DPYSL2: variants seen among roughly 807,000 people sequenced by gnomAD.
DPYSL2 encodes dihydropyrimidinase-related protein 2.
DPYSL2 carries 13 observed loss-of-function variants against 69.9 expected under a neutral mutation model. The ratio of observed to expected loss-of-function variants is 0.19; its 90% CI spans 0.12 to 0.30. DPYSL2 has a LOEUF of 0.30. Among genes scored for constraint, DPYSL2 ranks in the 10% least tolerant of loss-of-function variants. The pLI is 1.00. For synonymous variants in DPYSL2, 326 were observed against 359.1 expected, an observed-to-expected ratio of 0.91 and a Z score of 1.04; for missense variants, 587 against 918.9, an observed-to-expected ratio of 0.64 and a Z score of 4.67.
intron 1 of DPYSL2, among the ~76,000 whole-genome samples, chr8:26,528,920 G>C (rs990313398): frequency 1.3e-5 from 2 of 152,148 alleles, no homozygotes; most frequent in African/African-American, 4.8e-5. Flanking sequence ...TAAATGTCTG[G>C]TTCCTGACCC....
rs1214866914 is a variant in DPYSL2 at position 26,655,783 on chromosome 8, CTTTT to C, written c.*87_*90del. On this transcript the variant is annotated 3_prime_UTR_variant, in exon 14 of 14. Transcript: ENST00000521913. ...CATTCTGAGACTTCTTTCTTCCTTCCTTTTTTTTTTTTTGTTTTTTTTTTTAAGA... is the reference window on the plus strand; with the variant it reads ...CATTCTGAGACTTCTTTCTTCCTTCCTTTTTTTTTGTTTTTTTTTTTAAGA... The C allele has an allele frequency of 6.7e-6, 6 of 891,818 alleles. No individual in the cohort carries two copies. Among genetic ancestry groups the C allele is most frequent in the Non-Finnish European group, 7.7e-6 (5 of 653,406 alleles). 55.2% of individuals were successfully genotyped at this position (891,818 alleles called of 1,614,324 possible).
chr8:26,519,057 A>G (rs1322787997), intron 1 of DPYSL2, among the ~76,000 whole-genome samples: 3 of 152,166 alleles, frequency 2.0e-5, no homozygotes, highest in Non-Finnish European at 4.4e-5. Flanking sequence ...GCCAGTGACA[A>G]CTTCTGGCCA....
intron 11 of DPYSL2, among the ~76,000 whole-genome samples, chr8:26,649,202 C>T (rs979879824): frequency 2.6e-5 from 4 of 152,194 alleles, no homozygotes; most frequent in South Asian, 2.1e-4. Context: ...TGTTACATAG[C>T]GATTTTGCGG....
intron 1 of DPYSL2, among the ~76,000 whole-genome samples, chr8:26,543,083 G>T (rs1196796332): frequency 6.6e-6 from 1 of 152,136 alleles, no homozygotes; most frequent in Non-Finnish European, 1.5e-5. Context: ...TCTAGATAAA[G>T]GTATTGGCAG....
Position 26,614,513 on chromosome 8 carries a change from C to T in DPYSL2, c.629-9630C>T, listed in dbSNP as rs996955953. Among the ~76,000 whole-genome samples, 1 of 152,122 alleles carries T rather than the reference C, an allele frequency of 6.6e-6. No individual in the cohort carries two copies. Among genetic ancestry groups the T allele is most frequent in the Non-Finnish European group, 1.5e-5 (1 of 68,024 alleles). On this transcript the variant is annotated intron_variant, in intron 3 of 13. Transcript: ENST00000521913. The surrounding 1 kb of genome is among the most constrained non-coding windows in gnomAD (Gnocchi z 4.9). ...AACTGGATTGTTGGCATTTTAAGGG[C>T]ACAGTTTGTATCTTCTACCTCTTTG...
intron 1 of DPYSL2, among the ~76,000 whole-genome samples, chr8:26,555,469 A>C (rs1272383105): frequency 6.6e-6 from 1 of 152,200 alleles, no homozygotes; most frequent in Non-Finnish European, 1.5e-5. Flanking sequence ...ATGAACAATT[A>C]GAATTTACAT....
In DPYSL2 at chr8:26,627,786, C is replaced by G. The variant is rs772144427; in HGVS notation, c.937-86C>G. 228 of 1,375,290 alleles carry G rather than the reference C, an allele frequency of 1.7e-4. No homozygotes were observed. The highest frequency in any genetic ancestry group is 2.2e-4 in the Non-Finnish European group (221 of 987,118). The allele number at this position is 1,375,290 out of a possible 1,614,324, so 85.2% of individuals were successfully genotyped here. A position where few individuals can be genotyped will look rare whatever the true frequency, so the allele number is the denominator to read the frequency against. On this transcript the variant is annotated intron_variant, in intron 6 of 13. Coordinates refer to ENST00000521913, the MANE Select transcript of DPYSL2 (RefSeq NM_001197293.3). The surrounding 1 kb of genome is among the most constrained non-coding windows in gnomAD (Gnocchi z 6.9). ...GGCAGTGGTAATTTTCCATCTTGCC[C>G]GGATAACTGCATGCCCGGGCCTCTG...
chr8:26,557,170 G>A (rs1269779732), intron 1 of DPYSL2, among the ~76,000 whole-genome samples: 2 of 54,586 alleles, frequency 3.7e-5, no homozygotes, highest in Admixed American at 4.2e-4. Flanking sequence ...CCAAAAGCAT[G>A]GTCCATGAAA....
At chr8:26,594,234 A>G (rs1191948024) in intron 3 of DPYSL2, among the ~76,000 whole-genome samples, 1 of 152,150 alleles carries the variant, frequency 6.6e-6, no homozygotes, top group Admixed American at 6.5e-5. Context: ...TTTTTGTGCC[A>G]TACTATTTGA....
In DPYSL2 at chr8:26,653,297, G is replaced by T. The variant is rs749111397; in HGVS notation, c.1842G>T (p.Thr614=). The T allele has an allele frequency of 1.9e-6, 3 of 1,614,082 alleles. No homozygotes were observed. Among genetic ancestry groups the T allele is most frequent in the Non-Finnish European group, 2.5e-6 (3 of 1,180,026 alleles). ...YDGPVCEVSV[T]PKTVTPASSA... The stretch of plus-strand genomic sequence containing the variant: ...GACCTGTGTGTGAAGTGTCTGTGAC[G>T]CCCAAGACAGTCACTCCAGCCTCCT... The change falls in exon 13 of 14, where the codon ACG becomes ACT. Residue 614 remains threonine, a synonymous_variant. Coordinates refer to ENST00000521913, the MANE Select transcript of DPYSL2 (RefSeq NM_001197293.3). The surrounding 1 kb of genome is among the most constrained non-coding windows in gnomAD (Gnocchi z 5.7).
chr8:26,623,577 T>A (rs1426491812), intron 3 of DPYSL2, among the ~76,000 whole-genome samples: 3 of 152,188 alleles, frequency 2.0e-5, no homozygotes, highest in Admixed American at 2.0e-4. Context: ...CATAGTAATA[T>A]AACAATGACT....
At chr8:26,537,409 C>A (rs1800609749) in intron 1 of DPYSL2, among the ~76,000 whole-genome samples, 1 of 152,010 alleles carries the variant, frequency 6.6e-6, no homozygotes, top group South Asian at 2.1e-4. Flanking sequence ...GTCATATCTA[C>A]CTATAACGTT....
At chr8:26,552,832 C>G (rs1585504159) in intron 1 of DPYSL2, among the ~76,000 whole-genome samples, 1 of 152,328 alleles carries the variant, frequency 6.6e-6, no homozygotes, top group Non-Finnish European at 1.5e-5. Flanking sequence ...GATTCTACCT[C>G]TCAACACTGC....
At chr8:26,529,302 T>C (rs535433121) in intron 1 of DPYSL2, among the ~76,000 whole-genome samples, 45 of 147,830 alleles carry the variant, frequency 3.0e-4, no homozygotes, top group African/African-American at 1.2e-3. Context: ...TATCTATCTA[T>C]CATCTATCTA....
At chr8:26,577,755 C>T (rs445678) in intron 1 of DPYSL2, 744,476 of 964,490 alleles carry the variant, frequency 0.77, 290,097 homozygotes, top group East Asian at 0.92. Context: ...CGCCGCCTGC[C>T]GCCCCCGGCC....
At chr8:26,569,661 C>T (rs2129686776) in intron 1 of DPYSL2, among the ~76,000 whole-genome samples, 1 of 152,258 alleles carries the variant, frequency 6.6e-6, no homozygotes, top group East Asian at 1.9e-4. Context: ...CACAAAAATA[C>T]TTCCAAATTA....
chr8:26,524,382 T>C (rs529624492), intron 1 of DPYSL2, among the ~76,000 whole-genome samples: 2 of 152,310 alleles, frequency 1.3e-5, no homozygotes, highest in South Asian at 4.1e-4. Context: ...CCATGTTTAT[T>C]GTAGATGACA....
chr8:26,634,655 T>C, intron 7 of DPYSL2, 125 bp from the exon 8 acceptor site: 1 of 1,519,652 alleles, frequency 6.6e-7, no homozygotes, highest in Non-Finnish European at 8.9e-7. Context: ...AATTGTCCCC[T>C]GGGGTAGGAC....
rs1397893872 is a variant in DPYSL2, at chr8:26,641,106, C to T, written c.1127-2333C>T. Among the ~76,000 whole-genome samples the T allele has an allele frequency of 6.6e-6, 1 of 152,176 alleles. No individual in the cohort carries two copies. Among genetic ancestry groups the T allele is most frequent in the African/African-American group, 2.4e-5 (1 of 41,432 alleles). ...GGTATTCAGGCCACTTTCCAAGAAC[C>T]AGCCCCTCCTTGTACTTAAGTTTCT... On this transcript the variant is annotated intron_variant, in intron 8 of 13. Transcript: ENST00000521913. The surrounding 1 kb of genome is among the most constrained non-coding windows in gnomAD (Gnocchi z 4.1).
Sources: gnomAD v4.1 joint callset for allele counts (sites outside exome capture counted in the v4.1 genomes callset) on GRCh38, gnomAD v4.1.1 for gene constraint, Gnocchi (gnomAD v3.1) non-coding constraint, MANE v1.5 for transcripts, NCBI Gene and HGNC (gene_info 2026-07-23, HGNC 2026-07-21) for gene names.